Variants in PCDH18 observed in about 807,000 individuals in gnomAD.
PCDH18 encodes the protein protocadherin-18.
PCDH18 carries 38 observed loss-of-function variants against 71.5 expected under a neutral mutation model. That is an observed-to-expected ratio of 0.53 (90% confidence interval 0.41 to 0.70). PCDH18 has a LOEUF of 0.70. Ranked by LOEUF, PCDH18 falls within the 30% of genes least tolerant of loss-of-function variation. The pLI, the probability that PCDH18 is intolerant of heterozygous loss-of-function variation, is 0.00. For missense variants in PCDH18, 1,334 were observed against 1,384.6 expected (o/e 0.96, Z 0.58); for synonymous variants, 565 against 505.4 (o/e 1.12, Z -1.58).
rs370360358 is a variant in PCDH18, at chr4:137,531,626, G to C, written c.463C>G (p.Arg155Gly). Reference sequence around the variant, plus strand: ...TCAAATGCACTGTCCAGGGGAATGCGAGTCCCAACTGCTGCACTCTCAGAT... The same window carrying C: ...TCAAATGCACTGTCCAGGGGAATGCCAGTCCCAACTGCTGCACTCTCAGAT... ...EISESAAVGT[R>G]IPLDSAFDPD... The change falls in exon 1 of 4, where the codon CGC becomes GGC. Residue 155 changes from arginine to glycine, a missense_variant. Around this residue, in one of 3 missense-constraint regions of PCDH18, gnomAD observed 1,011 missense variants for 1,048.0 expected, o/e 0.96. Coordinates refer to ENST00000344876, the MANE Select transcript of PCDH18 (RefSeq NM_019035.5). 1 of 1,613,730 alleles carries C rather than the reference G, an allele frequency of 6.2e-7. No homozygotes were observed. The highest frequency in any genetic ancestry group is 2.2e-5 in the East Asian group (1 of 44,850).
chr4:137,521,393 A>T lies in PCDH18; in HGVS notation c.3044T>A (p.Leu1015His). ...LSEMSSVFQR[L>H]LPPSLDTYSE... The stretch of plus-strand genomic sequence containing the variant: ...ATAGGTGTCCAGGGAAGGCGGTAAG[A>T]GACGCTGGAACACACTGCTCATTTC... The change falls in exon 4 of 4, where the codon CTC (leucine) becomes CAC (histidine). Residue 1015 changes from leucine to histidine, a missense_variant. Leu to His is a moderately conservative substitution (Grantham distance 99). This residue lies in a region of PCDH18 where 319 missense variants were observed against 316.3 expected (regional missense o/e 1.01). Coordinates refer to ENST00000344876, the MANE Select transcript of PCDH18 (RefSeq NM_019035.5). 1 of 1,614,200 alleles carries T rather than the reference A, an allele frequency of 6.2e-7. No homozygotes were observed. Among genetic ancestry groups the T allele is most frequent in the Non-Finnish European group, 8.5e-7 (1 of 1,180,024 alleles).
intron 3 of PCDH18, among the ~76,000 whole-genome samples, chr4:137,524,291 G>A (rs1335704524): frequency 1.3e-5 from 2 of 152,134 alleles, no homozygotes; most frequent in African/African-American, 4.8e-5. Context: ...TATATAAGAA[G>A]AAATACGTAT....
rs771181813 is a variant in PCDH18, at chr4:137,530,002, A to C, written c.2087T>G (p.Leu696Trp). The C allele has an allele frequency of 6.2e-7, 1 of 1,614,068 alleles. No individual in the cohort carries two copies. ...AATAATTATTATCATGGAGACATCC[A>C]AGGATGCCTGGCTTACTGAAGTCAT... ...TAMTSVSQASLDVSMIIIISL... is the reference protein window; with the variant it reads ...TAMTSVSQASWDVSMIIIISL... Residue 696 changes from leucine (L) to tryptophan (W), a missense_variant, in exon 1 of 4, where the codon TTG becomes TGG. Physicochemically the swap from Leu to Trp is moderately conservative, Grantham distance 61. Around this residue, in one of 3 missense-constraint regions of PCDH18, gnomAD observed 1,011 missense variants for 1,048.0 expected, o/e 0.96. Coordinates refer to ENST00000344876, the MANE Select transcript of PCDH18 (RefSeq NM_019035.5).
At chr4:137,521,727 T>C in intron 3 of PCDH18, 31 bp from the exon 4 acceptor site, 1 of 1,514,936 alleles carries the variant, frequency 6.6e-7, no homozygotes, top group Non-Finnish European at 9.0e-7. Context: ...GGGGATTCAT[T>C]ATTATACTTA....
rs1344478931 is a variant in PCDH18, at chr4:137,519,618, ACCCG to A, written c.*1407_*1410del. On this transcript the variant is annotated 3_prime_UTR_variant, in exon 4 of 4. Transcript: ENST00000344876. Reference sequence around the variant, plus strand: ...ATTATTTGAAACTCAACACTGAATCACCCGCTCAGGAAGGGCCTGCTGCATGCCA... The same window carrying A: ...ATTATTTGAAACTCAACACTGAATCACTCAGGAAGGGCCTGCTGCATGCCA... 2 of 152,112 alleles carry A rather than the reference ACCCG, an allele frequency of 1.3e-5. No individual in the cohort carries two copies. Among genetic ancestry groups the A allele is most frequent in the African/African-American group, 2.4e-5 (1 of 41,420 alleles). 9.4% of individuals were successfully genotyped at this position (152,112 alleles called of 1,614,324 possible).
intron 3 of PCDH18, among the ~76,000 whole-genome samples, chr4:137,526,046 AATTATT>A (rs1319260768): frequency 4.0e-5 from 6 of 151,106 alleles, no homozygotes; most frequent in African/African-American, 1.5e-4. Context: ...TTATTATTGT[AATTATT>A]ATTATTATTA....
Position 137,530,554 on chromosome 4 carries a change from C to G in PCDH18, c.1535G>C (p.Ser512Thr). 1 of 1,614,024 alleles carries G rather than the reference C, an allele frequency of 6.2e-7. No individual in the cohort carries two copies. Among genetic ancestry groups the G allele is most frequent in the Non-Finnish European group, 8.5e-7 (1 of 1,179,942 alleles). Residue 512 changes from serine (S) to threonine (T), a missense_variant, in exon 1 of 4, where the codon AGT becomes ACT. By Grantham distance (58) the Ser-to-Thr change is moderately conservative. This residue lies in a region of PCDH18 where 1,011 missense variants were observed against 1,048.0 expected (regional missense o/e 0.96). Transcript: ENST00000344876. ...YTILESFILGSSITTYVTIDP... is the reference protein window; with the variant it reads ...YTILESFILGTSITTYVTIDP... The stretch of plus-strand genomic sequence containing the variant: ...AATGGTTACATATGTAGTTATGGAA[C>G]TTCCTAGAATAAAACTCTCCAAGAT...
At position 137,521,578 on chromosome 4, in the gene PCDH18, T is replaced by A. The variant is rs756164680; in HGVS notation, c.2859A>T (p.Glu953Asp). The part of the protein sequence containing the change: ...YRSNMFIPGE[E>D]FPTQPQQQHP... ...GCTGCTGCTGGGGTTGCGTTGGGAATTCTTCCCCTGGAATGAACATGTTAC... is the reference window on the plus strand; with the variant it reads ...GCTGCTGCTGGGGTTGCGTTGGGAAATCTTCCCCTGGAATGAACATGTTAC... The change falls in exon 4 of 4, where the codon GAA (glutamate) becomes GAT (aspartate). Residue 953 changes from glutamate (E) to aspartate (D), a missense_variant. Coordinates refer to ENST00000344876, the MANE Select transcript of PCDH18 (RefSeq NM_019035.5). 3.7e-6 allele frequency: 6 copies of A among 1,613,930 alleles called. No individual in the cohort carries two copies. The highest frequency in any genetic ancestry group is 5.1e-6 in the Non-Finnish European group (6 of 1,180,040).
At chr4:137,527,170 G>A (rs375426043) in intron 3 of PCDH18, among the ~76,000 whole-genome samples, 34 of 151,950 alleles carry the variant, frequency 2.2e-4, no homozygotes, top group African/African-American at 6.3e-4. Flanking sequence ...ATGAGTGCTC[G>A]AGTTTCTATT....
chr4:137,528,066 A>T lies in PCDH18; in HGVS notation c.2740+412T>A, dbSNP rs375071488. ...CCATCACAGGAAATGCATCCTCCAA[A>T]TTACAGTCCGGTTCACCACTCTGCG... On this transcript the variant is annotated intron_variant, in intron 3 of 3. Transcript: ENST00000344876. Among the ~76,000 whole-genome samples, 74 of 152,274 alleles carry T rather than the reference A, an allele frequency of 4.9e-4. 1 individual carries two copies. The highest frequency in any genetic ancestry group is 1.4e-3 in the African/African-American group (60 of 41,552).
chr4:137,525,775 C>T (rs921609158), intron 3 of PCDH18, among the ~76,000 whole-genome samples: 4 of 152,008 alleles, frequency 2.6e-5, no homozygotes, highest in South Asian at 2.1e-4. Flanking sequence ...TTTGTTGTAA[C>T]ACAATGTTAT....
rs1405576324 is a variant in PCDH18, at chr4:137,521,665, G to T, written c.2772C>A (p.Val924=). 1 of 1,609,976 alleles carries T rather than the reference G, an allele frequency of 6.2e-7. No homozygotes were observed. Among genetic ancestry groups the T allele is most frequent in the Non-Finnish European group, 8.5e-7 (1 of 1,179,622 alleles). Residue 924 remains valine (V), a synonymous_variant, in exon 4 of 4, where the codon GTC becomes GTA. Coordinates refer to ENST00000344876, the MANE Select transcript of PCDH18 (RefSeq NM_019035.5). ...TCCAGCACTGGTCAGAGTGTCCCAG[G>T]ACCCTGCACTCCTCCGTGCAGAGTC... is the stretch of plus-strand genomic sequence containing the variant. The part of the protein sequence containing the change: ...AMRLCTEECR[V]LGHSDQCWMP...
Position 137,530,004 on chromosome 4 carries a change from G to A in PCDH18, c.2085C>T (p.Ser695=), listed in dbSNP as rs746337035. ...TAATTATTATCATGGAGACATCCAA[G>A]GATGCCTGGCTTACTGAAGTCATTG... ...STAMTSVSQA[S]LDVSMIIIIS... is the part of the protein sequence containing the mutation. The change falls in exon 1 of 4, where the codon TCC becomes TCT. Residue 695 remains serine (S), a synonymous_variant. Coordinates refer to ENST00000344876, the MANE Select transcript of PCDH18 (RefSeq NM_019035.5). 9.3e-6 allele frequency: 15 copies of A among 1,613,996 alleles called. No individual in the cohort carries two copies. In the South Asian group the frequency reaches 1.3e-4, roughly 14 times the overall value.
chr4:137,530,722 T>C lies in PCDH18; in HGVS notation c.1367A>G (p.Asn456Ser). Reference sequence around the variant, plus strand: ...GTGGGGTGGATTGTCATTGATATCATTGATTTGAACTGTAAAATGTTTCAC... The same window carrying C: ...GTGGGGTGGATTGTCATTGATATCACTGATTTGAACTGTAAAATGTTTCAC... ...STVKHFTVQINDINDNPPHFQ... is the reference protein window; with the variant it reads ...STVKHFTVQISDINDNPPHFQ... The change falls in exon 1 of 4, where the codon AAT becomes AGT. Residue 456 changes from asparagine (N) to serine (S), a missense_variant. Transcript: ENST00000344876. The C allele has an allele frequency of 3.7e-6, 6 of 1,613,234 alleles. No homozygotes were observed. Among genetic ancestry groups the C allele is most frequent in the Non-Finnish European group, 3.4e-6 (4 of 1,179,420 alleles).
At chr4:137,528,201 G>GT (rs1206591514) in intron 3 of PCDH18, among the ~76,000 whole-genome samples, 2 of 152,038 alleles carry the variant, frequency 1.3e-5, no homozygotes, top group African/African-American at 4.8e-5. Flanking sequence ...GAAAGTGTTT[G>GT]TTTTTTTGAT....
rs1195616473 is a variant in PCDH18, at chr4:137,532,449, G to A, written c.-361C>T. 1.1e-5 allele frequency: 7 copies of A among 657,596 alleles called. No individual in the cohort carries two copies. The highest frequency in any genetic ancestry group is 1.7e-5 in the Non-Finnish European group (6 of 362,556). The allele number at this position is 657,596 out of a possible 1,614,324, so 40.7% of individuals were successfully genotyped here. ...CGATTCTTTCTCCCTTTAGCTGCTC[G>A]GCTGCAGACTAAACACCCGTGATTG... On this transcript the variant is annotated 5_prime_UTR_variant, in exon 1 of 4. Transcript: ENST00000344876.
intron 3 of PCDH18, among the ~76,000 whole-genome samples, chr4:137,527,372 A>G (rs1458425053): frequency 6.8e-6 from 1 of 145,998 alleles, no homozygotes; most frequent in African/African-American, 2.5e-5. Context: ...GTTATACTGT[A>G]TTGTTTTTTA....
chr4:137,530,410 G>T lies in PCDH18; in HGVS notation c.1679C>A (p.Thr560Asn). ...GTCAATGATGGTGAGCACAACTGTGGTATTGCTTACCAGTTGCTTCGGGCT... is the reference window on the plus strand; with the variant it reads ...GTCAATGATGGTGAGCACAACTGTGTTATTGCTTACCAGTTGCTTCGGGCT... Reference protein sequence around the residue: ...GGSPKQLVSNTTVVLTIIDEN... With the variant: ...GGSPKQLVSNNTVVLTIIDEN... The change falls in exon 1 of 4, where the codon ACC (threonine) becomes AAC (asparagine). Residue 560 changes from threonine (T) to asparagine (N), a missense_variant. Thr to Asn is a moderately conservative substitution (Grantham distance 65, BLOSUM62 0). This residue lies in a region of PCDH18 where 1,011 missense variants were observed against 1,048.0 expected (regional missense o/e 0.96). Transcript: ENST00000344876. 1 of 1,614,080 alleles carries T rather than the reference G, an allele frequency of 6.2e-7. No homozygotes were observed. Among genetic ancestry groups the T allele is most frequent in the Non-Finnish European group, 8.5e-7 (1 of 1,179,990 alleles).
chr4:137,526,242 G>T (rs987440952), intron 3 of PCDH18, among the ~76,000 whole-genome samples: 1 of 151,774 alleles, frequency 6.6e-6, no homozygotes, highest in African/African-American at 2.4e-5. Context: ...AAATACCAAG[G>T]TTATGTAATT....
Sources: gnomAD v4.1 joint callset for allele counts (sites outside exome capture counted in the v4.1 genomes callset) on GRCh38, gnomAD v4.1.1 for gene constraint, gnomAD v4.1.1 regional missense constraint, MANE v1.5 for transcripts, NCBI Gene and HGNC (gene_info 2026-07-23, HGNC 2026-07-21) for gene names.